Variants in NRP1 observed in about 807,000 individuals in gnomAD.
The protein encoded by NRP1 is neuropilin 1.
NRP1 carries 35 observed loss-of-function variants against 106.7 expected under a neutral mutation model. That is an observed-to-expected ratio of 0.33 (90% confidence interval 0.25 to 0.43). The LOEUF is 0.43. Ranked by LOEUF, NRP1 falls within the 20% of genes least tolerant of loss-of-function variation. The probability of loss-of-function intolerance (pLI) is 1.00; values close to 1 mark genes in which losing one functional copy is unlikely to be tolerated. For synonymous variants in NRP1, 437 were observed against 417.9 expected (o/e 1.05, Z -0.56); for missense variants, 1,024 against 1,170.4 (o/e 0.87, Z 1.83).
At chr10:33,298,289 G>A (rs890539769) in intron 2 of NRP1, among the ~76,000 whole-genome samples, 1 of 152,178 alleles carries the variant, frequency 6.6e-6, no homozygotes, top group Non-Finnish European at 1.5e-5. Flanking sequence ...TTTACTGCCA[G>A]GGCGTAGAGA....
rs575689231 is a variant in NRP1 at position 33,268,399 on chromosome 10, C to A, written c.430+2276G>T. Among the ~76,000 whole-genome samples the A allele has an allele frequency of 1.8e-4, 28 of 152,172 alleles. 1 individual carries two copies. The highest frequency in any genetic ancestry group is 1.5e-3 in the Admixed American group (23 of 15,284). On this transcript the variant is annotated intron_variant, in intron 3 of 16. Transcript: ENST00000374867. ...GAAAAGAAGCTGAGAGTCTTTGAGA[C>A]CTTTGGATGAAAATTAAAAAGCAGT...
chr10:33,320,248 G>C (rs373348804), intron 2 of NRP1, among the ~76,000 whole-genome samples: 2 of 151,908 alleles, frequency 1.3e-5, no homozygotes, highest in African/African-American at 4.8e-5. Context: ...AGGAGGCTGA[G>C]GTTGCAGTGA....
At chr10:33,257,021 T>C (rs1842242359) in intron 4 of NRP1, among the ~76,000 whole-genome samples, 1 of 152,188 alleles carries the variant, frequency 6.6e-6, no homozygotes, top group Non-Finnish European at 1.5e-5. Context: ...CTTATTATGA[T>C]AAACATAACA....
chr10:33,192,877 G>C (rs1360989672), intron 12 of NRP1, among the ~76,000 whole-genome samples: 1 of 152,180 alleles, frequency 6.6e-6, no homozygotes, highest in Non-Finnish European at 1.5e-5. Context: ...TTGGCGAAAT[G>C]CCTCACCCAG....
intron 2 of NRP1, among the ~76,000 whole-genome samples, chr10:33,328,813 T>C (rs1035428842): frequency 1.3e-5 from 2 of 152,188 alleles, no homozygotes; most frequent in Non-Finnish European, 2.9e-5. Context: ...CTGTTAAACA[T>C]TTACCACCAC....
chr10:33,256,551 G>C, intron 4 of NRP1, 80 bp from the exon 5 acceptor site: 1 of 1,484,288 alleles, frequency 6.7e-7, no homozygotes, highest in South Asian at 1.2e-5. Context: ...TACAAAGATG[G>C]GCCCCAGTAG....
At chr10:33,305,646 G>T (rs1263491388) in intron 2 of NRP1, among the ~76,000 whole-genome samples, 1 of 151,740 alleles carries the variant, frequency 6.6e-6, no homozygotes, top group Non-Finnish European at 1.5e-5. Context: ...TTCTCCGTTA[G>T]CTGCCAAACA....
At chr10:33,182,849 A>C in intron 15 of NRP1, 101 bp from the exon 16 acceptor site, 1 of 804,354 alleles carries the variant, frequency 1.2e-6, no homozygotes, top group Non-Finnish European at 2.1e-6. Flanking sequence ...ACACACACAC[A>C]CACACACACA....
intron 2 of NRP1, among the ~76,000 whole-genome samples, chr10:33,312,816 T>G (rs780167671): frequency 1.3e-5 from 2 of 152,162 alleles, no homozygotes; most frequent in Non-Finnish European, 1.5e-5. Context: ...TTTTTCAAAG[T>G]AATTTCTCTT....
chr10:33,244,833 G>A (rs571745787), intron 6 of NRP1, among the ~76,000 whole-genome samples: 1 of 152,138 alleles, frequency 6.6e-6, no homozygotes, highest in African/African-American at 2.4e-5. Context: ...ATGTGTCAAA[G>A]AGCTAATTTC....
rs148157219 is a variant in NRP1, at chr10:33,248,982, G to A, written c.981+5046C>T. On this transcript the variant is annotated intron_variant, in intron 6 of 16. Coordinates refer to ENST00000374867, the MANE Select transcript of NRP1 (RefSeq NM_003873.7). ...GTTTCAGCCCGAGTTGGTTTGTCAA[G>A]TAATTTAATTTCAAAAGTCACTAGG... Among the ~76,000 whole-genome samples, 508 of 151,416 alleles carry A rather than the reference G, an allele frequency of 3.4e-3. 6 individuals carry two copies. The highest frequency in any genetic ancestry group is 0.011 in the African/African-American group (451 of 41,332).
chr10:33,263,077 A>C (rs945828396), intron 4 of NRP1, among the ~76,000 whole-genome samples: 4 of 152,216 alleles, frequency 2.6e-5, no homozygotes, highest in African/African-American at 9.6e-5. Flanking sequence ...CAAATTCCCT[A>C]AGATGAAAAA....
intron 2 of NRP1, among the ~76,000 whole-genome samples, chr10:33,321,176 C>G (rs1393816657): frequency 6.6e-6 from 1 of 152,012 alleles, no homozygotes; most frequent in Non-Finnish European, 1.5e-5. Flanking sequence ...TAGTAGAGAC[C>G]GGGTTTCACC....
At chr10:33,322,144 G>A (rs182109214) in intron 2 of NRP1, among the ~76,000 whole-genome samples, 52 of 152,168 alleles carry the variant, frequency 3.4e-4, no homozygotes, top group African/African-American at 1.3e-3. Flanking sequence ...AGGGAATGTG[G>A]CCTTCTCACC....
At chr10:33,251,380 A>G (rs1841844486) in intron 6 of NRP1, among the ~76,000 whole-genome samples, 1 of 151,896 alleles carries the variant, frequency 6.6e-6, no homozygotes, top group Non-Finnish European at 1.5e-5. Flanking sequence ...AGTTCTTTAT[A>G]GCGGTGTGAG....
chr10:33,277,596 A>G lies in NRP1; in HGVS notation c.249-6740T>C, dbSNP rs952726326. ...CAGAGAATCCCTAGACCTTTCTATA[A>G]GAAATAGAGAGGCTGGGCCACAACC... is the stretch of plus-strand genomic sequence containing the variant. On this transcript the variant is annotated intron_variant, in intron 2 of 16. Coordinates refer to ENST00000374867, the MANE Select transcript of NRP1 (RefSeq NM_003873.7). Among the ~76,000 whole-genome samples, 5 of 152,238 alleles carry G rather than the reference A, an allele frequency of 3.3e-5. No individual in the cohort carries two copies. The East Asian group carries it at 9.6e-4, about 29-fold the overall frequency.
intron 6 of NRP1, among the ~76,000 whole-genome samples, chr10:33,249,790 T>C (rs773170487): frequency 1.2e-4 from 18 of 152,152 alleles, no homozygotes; most frequent in Admixed American, 9.8e-4. Flanking sequence ...TCCTTCACGC[T>C]CCTTCTCACT....
intron 2 of NRP1, among the ~76,000 whole-genome samples, chr10:33,300,587 T>A (rs1426755235): frequency 6.6e-6 from 1 of 152,160 alleles, no homozygotes; most frequent in African/African-American, 2.4e-5. Context: ...CCCAAATCAC[T>A]AAGCTAAAGG....
Position 33,263,533 on chromosome 10 carries a change from A to C in NRP1, c.658+113T>G, listed in dbSNP as rs188707032. On this transcript the variant is annotated intron_variant, in intron 4 of 16. Coordinates refer to ENST00000374867, the MANE Select transcript of NRP1 (RefSeq NM_003873.7). ...TATAGAGAGTTTTGCTTTGTTTTCC[A>C]GTGTCCTTTTGAGGTTTTTTTTAAT... 8.6e-5 allele frequency: 61 copies of C among 707,640 alleles called. 1 individual carries two copies. The highest frequency in any genetic ancestry group is 1.3e-4 in the Non-Finnish European group (57 of 426,570). 43.8% of individuals were successfully genotyped at this position (707,640 alleles called of 1,614,324 possible). A position where few individuals can be genotyped will look rare whatever the true frequency, so the allele number is the denominator to read the frequency against.
Sources: gnomAD v4.1 joint callset for allele counts (sites outside exome capture counted in the v4.1 genomes callset) on GRCh38, gnomAD v4.1.1 for gene constraint, MANE v1.5 for transcripts, NCBI Gene and HGNC (gene_info 2026-07-23, HGNC 2026-07-21) for gene names.